CAB39L: variants seen among roughly 807,000 people sequenced by gnomAD.
CAB39L encodes calcium binding protein 39 like, also known as calcium-binding protein 39-like.
A neutral mutation model predicts 39.1 loss-of-function variants in CAB39L; 23 were observed. The ratio of observed to expected loss-of-function variants is 0.59; its 90% CI spans 0.42 to 0.83. CAB39L has a LOEUF of 0.83. Among genes scored for constraint, CAB39L ranks in the 40% least tolerant of loss-of-function variants. CAB39L has a pLI of 0.00. For synonymous variants in CAB39L, 126 were observed against 137.2 expected, an observed-to-expected ratio of 0.92 and a Z score of 0.57; for missense variants, 366 against 391.9, an observed-to-expected ratio of 0.93 and a Z score of 0.56.
chr13:49,323,105 C>T (rs1240021592), intron 10 of CAB39L, among the ~76,000 whole-genome samples: 3 of 152,198 alleles, frequency 2.0e-5, no homozygotes, highest in Non-Finnish European at 4.4e-5. Flanking sequence ...TCTCTATACC[C>T]TCCTCCAGGT....
At chr13:49,426,229 A>C (rs146452562) in intron 3 of CAB39L, among the ~76,000 whole-genome samples, 75 of 152,258 alleles carry the variant, frequency 4.9e-4, no homozygotes, top group African/African-American at 1.7e-3. Context: ...CAGTCACACC[A>C]TTAGTCTTTC....
chr13:49,381,892 C>T (rs1309880433), intron 4 of CAB39L, among the ~76,000 whole-genome samples: 1 of 152,180 alleles, frequency 6.6e-6, no homozygotes, highest in Non-Finnish European at 1.5e-5. Flanking sequence ...AGTGGCACTG[C>T]AGGCACATGC....
At chr13:49,383,439 T>C (rs1201611393) in intron 3 of CAB39L, among the ~76,000 whole-genome samples, 2 of 152,186 alleles carry the variant, frequency 1.3e-5, no homozygotes, top group African/African-American at 4.8e-5. Flanking sequence ...TTTGAGTCAA[T>C]TATACCTTTT....
intron 10 of CAB39L, among the ~76,000 whole-genome samples, chr13:49,319,290 T>C (rs1391885211): frequency 6.6e-6 from 1 of 152,100 alleles, no homozygotes; most frequent in Non-Finnish European, 1.5e-5. Context: ...TGATGGATCA[T>C]GCTACAACAT....
chr13:49,396,868 T>A (rs1041094391), intron 3 of CAB39L, among the ~76,000 whole-genome samples: 2 of 152,134 alleles, frequency 1.3e-5, no homozygotes, highest in African/African-American at 2.4e-5. Context: ...GGAGGTTACA[T>A]GAGTACATAC....
rs1953935965 is a variant in CAB39L at position 49,309,822 on chromosome 13, T to C, written c.*992A>G. 6.6e-6 allele frequency: 1 copy of C among 152,168 alleles called. No homozygotes were observed. The highest frequency in any genetic ancestry group is 6.5e-5 in the Admixed American group (1 of 15,282). The allele number at this position is 152,168 out of a possible 1,614,324, so 9.4% of individuals were successfully genotyped here. On this transcript the variant is annotated 3_prime_UTR_variant, in exon 11 of 11. Coordinates refer to ENST00000409308, the MANE Select transcript of CAB39L (RefSeq NM_001079670.3). ...ATACAATGGCTCTGAAAAAAATTTA[T>C]TGATGGATCTGAGAATTTTTTCACA...
At chr13:49,437,257 GTTTT>G (rs1440470099) in intron 1 of CAB39L, among the ~76,000 whole-genome samples, 1 of 152,092 alleles carries the variant, frequency 6.6e-6, no homozygotes, top group African/African-American at 2.4e-5. Context: ...CTAATAAAGT[GTTTT>G]TTTGTTTGTT....
At chr13:49,362,452 T>C (rs1955662096) in intron 5 of CAB39L, among the ~76,000 whole-genome samples, 1 of 152,052 alleles carries the variant, frequency 6.6e-6, no homozygotes, top group Non-Finnish European at 1.5e-5. Flanking sequence ...GCAATTGACA[T>C]GCTGAAGAAT....
intron 10 of CAB39L, among the ~76,000 whole-genome samples, chr13:49,313,422 A>G (rs1184580831): frequency 6.6e-6 from 1 of 151,516 alleles, no homozygotes; most frequent in African/African-American, 2.4e-5. Flanking sequence ...CGAAGCTTGC[A>G]GTGAGCTGAG....
chr13:49,351,491 G>C (rs1162915569), intron 6 of CAB39L, among the ~76,000 whole-genome samples: 1 of 152,124 alleles, frequency 6.6e-6, no homozygotes, highest in Non-Finnish European at 1.5e-5. Flanking sequence ...GTGGAGAGAA[G>C]GGCAGGGGCC....
intron 5 of CAB39L, among the ~76,000 whole-genome samples, chr13:49,367,903 C>G (rs971358159): frequency 6.6e-6 from 1 of 150,542 alleles, no homozygotes; most frequent in South Asian, 2.1e-4. Flanking sequence ...TGCACTCTAG[C>G]CTGGGTGACA....
In CAB39L at chr13:49,392,341, G is replaced by C. The variant is rs896636805; in HGVS notation, c.-31-9400C>G. ...CTCTAGGTAGAACAAGGAAGTCATT[G>C]CTTGAAAGGAAACAGAGGAACAGGC... On this transcript the variant is annotated intron_variant, in intron 3 of 10. Transcript: ENST00000409308. Among the ~76,000 whole-genome samples the C allele has an allele frequency of 1.6e-4, 24 of 152,126 alleles. No homozygotes were observed. The South Asian group carries it at 2.5e-3, about 16-fold the overall frequency.
chr13:49,380,081 C>G (rs537474012), intron 4 of CAB39L, among the ~76,000 whole-genome samples: 3 of 152,132 alleles, frequency 2.0e-5, no homozygotes, highest in African/African-American at 7.2e-5. Flanking sequence ...ACTTGTGATT[C>G]GCCCACCTCA....
chr13:49,329,579 ATATATATATATATATAT>A (rs1954625207), intron 10 of CAB39L, among the ~76,000 whole-genome samples: 2 of 121,004 alleles, frequency 1.7e-5, no homozygotes, highest in African/African-American at 3.2e-5. Flanking sequence ...ATATATATAT[ATATATATATATATATAT>A]AATGATGTAA....
At chr13:49,375,998 C>T (rs533647144) in intron 5 of CAB39L, among the ~76,000 whole-genome samples, 2 of 152,186 alleles carry the variant, frequency 1.3e-5, no homozygotes, top group East Asian at 1.9e-4. Context: ...TGCACTCCTC[C>T]TCCTCTGCTT....
At position 49,382,854 on chromosome 13, in the gene CAB39L, T is replaced by C; in HGVS notation, c.57A>G (p.Lys19=). The change falls in exon 4 of 11, where the codon AAA becomes AAG. Residue 19 remains lysine (K), a synonymous_variant. Coordinates refer to ENST00000409308, the MANE Select transcript of CAB39L (RefSeq NM_001079670.3). ...AAATGGCCAAATTGTCTTTCAGGAT[T>C]TTCACAATTTCTGCTGGATTTTTGT... ...KSHKNPAEIV[K]ILKDNLAILE... is the part of the protein sequence containing the mutation. The C allele has an allele frequency of 6.2e-7, 1 of 1,612,032 alleles. No individual in the cohort carries two copies. The highest frequency in any genetic ancestry group is 1.1e-5 in the South Asian group (1 of 90,740).
chr13:49,389,860 C>T (rs932637476), intron 3 of CAB39L, among the ~76,000 whole-genome samples: 1 of 152,056 alleles, frequency 6.6e-6, no homozygotes, highest in African/African-American at 2.4e-5. Context: ...AAAGGTTGTC[C>T]CATTATGGTT....
At chr13:49,398,555 T>C (rs904507892) in intron 3 of CAB39L, among the ~76,000 whole-genome samples, 2 of 152,058 alleles carry the variant, frequency 1.3e-5, no homozygotes, top group African/African-American at 4.8e-5. Flanking sequence ...TTACATAAGA[T>C]TTACAATAGA....
intron 9 of CAB39L, among the ~76,000 whole-genome samples, chr13:49,337,725 C>T (rs1954884420): frequency 8.3e-6 from 1 of 119,816 alleles, no homozygotes; most frequent in Non-Finnish European, 1.7e-5. Context: ...CGTCTAGCTG[C>T]TCTGGCGCAC....
Sources: gnomAD v4.1 joint callset for allele counts (sites outside exome capture counted in the v4.1 genomes callset) on GRCh38, gnomAD v4.1.1 for gene constraint, MANE v1.5 for transcripts, NCBI Gene and HGNC (gene_info 2026-07-23, HGNC 2026-07-21) for gene names.